CCDC171: variants seen among roughly 807,000 people sequenced by gnomAD.
CCDC171 encodes the protein coiled-coil domain containing 171.
Under a neutral mutation model 168.2 loss-of-function variants are expected in CCDC171, and 177 were observed. That is an observed-to-expected ratio of 1.05 (90% confidence interval 0.93 to 1.19). The LOEUF (loss-of-function observed/expected upper bound fraction) is 1.19, where lower values mean the gene tolerates loss of function less well. Ranked by LOEUF, CCDC171 falls within the 50% of genes most tolerant of loss-of-function variation. The pLI is 0.00. For missense variants in CCDC171, 1,991 were observed against 1,539.0 expected, an observed-to-expected ratio of 1.29 and a Z score of -4.91; for synonymous variants, 687 against 540.8, an observed-to-expected ratio of 1.27 and a Z score of -3.75.
chr9:15,806,988 C>G (rs2059112284), intron 21 of CCDC171, among the ~76,000 whole-genome samples: 1 of 152,140 alleles, frequency 6.6e-6, no homozygotes, highest in African/African-American at 2.4e-5. Flanking sequence ...TTCCAAGATT[C>G]TCTTCTCAGC....
chr9:15,924,660 C>T (rs1172836304), intron 25 of CCDC171, among the ~76,000 whole-genome samples: 4 of 151,408 alleles, frequency 2.6e-5, no homozygotes, highest in Non-Finnish European at 5.9e-5. Flanking sequence ...TTTCTGCAGC[C>T]TGTTTTCCTC....
intron 16 of CCDC171, among the ~76,000 whole-genome samples, chr9:15,732,790 T>C (rs2054234134): frequency 1.3e-5 from 2 of 152,282 alleles, no homozygotes; most frequent in South Asian, 4.1e-4. Context: ...TTTTCATTTC[T>C]CTTGGGTAAA....
At chr9:15,881,957 C>G (rs1274329184) in intron 24 of CCDC171, among the ~76,000 whole-genome samples, 1 of 152,066 alleles carries the variant, frequency 6.6e-6, no homozygotes, top group Non-Finnish European at 1.5e-5. Flanking sequence ...GTACACATAC[C>G]CAGTAGTGGA....
intron 25 of CCDC171, among the ~76,000 whole-genome samples, chr9:15,926,061 G>C (rs537871704): frequency 3.0e-5 from 4 of 131,426 alleles, no homozygotes; most frequent in Non-Finnish European, 7.0e-5. Context: ...ACAAAAATAG[G>C]CATATAAAAA....
rs116108070 is a variant in CCDC171, at chr9:15,787,721, A to G, written c.3267+3027A>G. Among the ~76,000 whole-genome samples the G allele has an allele frequency of 6.9e-3, 1,052 of 152,314 alleles. 9 individuals carry two copies. The highest frequency in any genetic ancestry group is 0.024 in the African/African-American group (998 of 41,576). On this transcript the variant is annotated intron_variant, in intron 21 of 25. Transcript: ENST00000380701. The stretch of plus-strand genomic sequence containing the variant: ...ATCAATTGGCCTACAGCAAGTTTCT[A>G]CTGATTACATTCTCTCCTAAGATAT...
chr9:15,642,799 C>A (rs116545640), intron 7 of CCDC171, among the ~76,000 whole-genome samples: 3,116 of 152,088 alleles, frequency 0.02, 105 homozygotes, highest in African/African-American at 0.071. Context: ...TTTCAACCCC[C>A]TGTGTTTTGC....
At chr9:15,629,993 C>T (rs2045538195) in intron 7 of CCDC171, among the ~76,000 whole-genome samples, 1 of 152,096 alleles carries the variant, frequency 6.6e-6, no homozygotes, top group Non-Finnish European at 1.5e-5. Context: ...ATTTTGTCAC[C>T]ACCAGGCCTG....
intron 25 of CCDC171, among the ~76,000 whole-genome samples, chr9:15,952,937 A>G (rs1829375745): frequency 6.6e-6 from 1 of 151,816 alleles, no homozygotes; most frequent in African/African-American, 2.4e-5. Context: ...ATTCTTTTTG[A>G]TGCTATTTAA....
intron 25 of CCDC171, among the ~76,000 whole-genome samples, chr9:15,952,262 C>G (rs1829280238): frequency 6.6e-6 from 1 of 152,154 alleles, no homozygotes; most frequent in Non-Finnish European, 1.5e-5. Flanking sequence ...TGCCAGTACA[C>G]ACTGTTTTGA....
chr9:15,962,510 C>G (rs910105314), intron 25 of CCDC171, among the ~76,000 whole-genome samples: 7 of 152,158 alleles, frequency 4.6e-5, no homozygotes, highest in African/African-American at 1.7e-4. Flanking sequence ...TTATGAATGC[C>G]TGCTTCACAA....
intron 2 of CCDC171, among the ~76,000 whole-genome samples, chr9:15,570,877 T>A (rs2040170467): frequency 6.6e-6 from 1 of 152,214 alleles, no homozygotes. Context: ...GACCGTCTGT[T>A]TTATCCTCTC....
intron 1 of CCDC171, among the ~76,000 whole-genome samples, chr9:15,555,907 C>T (rs2038757022): frequency 6.6e-6 from 1 of 152,096 alleles, no homozygotes; most frequent in Admixed American, 6.6e-5. Flanking sequence ...TTGTTCAATT[C>T]CTACCTAAGA....
At chr9:15,964,572 G>A (rs1830622963) in intron 25 of CCDC171, among the ~76,000 whole-genome samples, 2 of 152,084 alleles carry the variant, frequency 1.3e-5, no homozygotes, top group African/African-American at 4.8e-5. Context: ...CAAGCACAAG[G>A]GTATGAAGAA....
intron 11 of CCDC171, among the ~76,000 whole-genome samples, chr9:15,713,467 T>C (rs908927753): frequency 4.6e-5 from 7 of 152,204 alleles, no homozygotes; most frequent in African/African-American, 1.7e-4. Context: ...TCGGGACTTT[T>C]ATGCCACTTT....
rs776719771 is a variant in CCDC171, at chr9:15,744,394, A to G, written c.2171A>G (p.Gln724Arg). The stretch of plus-strand genomic sequence containing the variant: ...CTGTTATCACAGACTCAAAGGGAAC[A>G]GATGTCCTTGCTGGCAGCCTGTGCA... ...KKLLSQTQRE[Q>R]MSLLAACALM... Residue 724 changes from glutamine (Q) to arginine (R), a missense_variant, in exon 17 of 26, where the codon CAG (glutamine) becomes CGG (arginine). Gln to Arg is a conservative substitution (Grantham distance 43). Transcript: ENST00000380701. 24 of 1,614,094 alleles carry G rather than the reference A, an allele frequency of 1.5e-5. No individual in the cohort carries two copies. The highest frequency in any genetic ancestry group is 1.5e-5 in the Non-Finnish European group (18 of 1,180,028).
chr9:16,047,684 C>T (rs186216396), intron 1 of CCDC171, among the ~76,000 whole-genome samples: 3 of 152,344 alleles, frequency 2.0e-5, no homozygotes, highest in Non-Finnish European at 4.4e-5. Flanking sequence ...GAGTCAGGAG[C>T]ACGTGGATTT....
intron 21 of CCDC171, among the ~76,000 whole-genome samples, chr9:15,809,264 A>G (rs2059220179): frequency 6.6e-6 from 1 of 152,196 alleles, no homozygotes; most frequent in Non-Finnish European, 1.5e-5. Context: ...CAATGTATGT[A>G]GTGGAGTCTA....
chr9:15,736,727 GTGC>G (rs1243955417), intron 16 of CCDC171, among the ~76,000 whole-genome samples: 9 of 150,468 alleles, frequency 6.0e-5, no homozygotes, highest in African/African-American at 2.2e-4. Context: ...CCCAGGTGGA[GTGC>G]ACTGCTGCAG....
At chr9:15,906,162 A>T (rs1822568185) in intron 24 of CCDC171, among the ~76,000 whole-genome samples, 2 of 152,238 alleles carry the variant, frequency 1.3e-5, no homozygotes, top group African/African-American at 4.8e-5. Context: ...AATCCTCCCT[A>T]ACTCATTTTA....
Sources: gnomAD v4.1 joint callset for allele counts (sites outside exome capture counted in the v4.1 genomes callset) on GRCh38, gnomAD v4.1.1 for gene constraint, MANE v1.5 for transcripts, NCBI Gene and HGNC (gene_info 2026-07-23, HGNC 2026-07-21) for gene names.